ACTG2: variants seen among roughly 807,000 people sequenced by gnomAD.
ACTG2 encodes the protein actin, gamma-enteric smooth muscle.
A neutral mutation model predicts 37.6 loss-of-function variants in ACTG2; 16 were observed. That is an observed-to-expected ratio of 0.43 (90% CI 0.29 to 0.65). The LOEUF is 0.65. Ranked by LOEUF, ACTG2 falls within the 30% of genes least tolerant of loss-of-function variation. The pLI is 0.18. For missense variants in ACTG2, 238 were observed against 490.9 expected, an observed-to-expected ratio of 0.48 and a Z score of 4.87; for synonymous variants, 181 against 179.9, an observed-to-expected ratio of 1.01 and a Z score of -0.05.
At chr2:73,913,966 A>G (rs1200042139) in intron 6 of ACTG2, among the ~76,000 whole-genome samples, 1 of 152,174 alleles carries the variant, frequency 6.6e-6, no homozygotes, top group East Asian at 1.9e-4. Context: ...CAAATTGAAT[A>G]AGTGAGGCCC....
In ACTG2 at chr2:73,913,432, C is replaced by T. The variant is rs1680187939; in HGVS notation, c.452-53C>T. On this transcript the variant is annotated intron_variant, in intron 5 of 8. Transcript: ENST00000345517. ...CATTGGTAACAGTCCTAGAAAGAGA[C>T]TGATGAAAGGCAAGAATGAGAATTT... 15 of 1,500,464 alleles carry T rather than the reference C, an allele frequency of 1.0e-5. No homozygotes were observed. The South Asian group carries it at 1.6e-4, about 16-fold the overall frequency. 92.9% of individuals were successfully genotyped at this position (1,500,464 alleles called of 1,614,324 possible). A position where few individuals can be genotyped will look rare whatever the true frequency, so the allele number is the denominator to read the frequency against.
intron 4 of ACTG2, 44 bp from the exon 5 acceptor site, chr2:73,909,011 G>C: frequency 6.3e-7 from 1 of 1,575,880 alleles, no homozygotes; most frequent in Non-Finnish European, 8.7e-7. Context: ...AAGAAGTGCT[G>C]TGATTTTTGC....
intron 3 of ACTG2, among the ~76,000 whole-genome samples, chr2:73,905,723 C>T (rs1022268368): frequency 2.0e-5 from 3 of 152,140 alleles, no homozygotes; most frequent in Non-Finnish European, 4.4e-5. Context: ...ATCAGAAAGT[C>T]TTCCAATTGC....
chr2:73,910,651 A>G (rs1394386643), intron 5 of ACTG2, among the ~76,000 whole-genome samples: 2 of 141,966 alleles, frequency 1.4e-5, no homozygotes, highest in African/African-American at 5.1e-5. Context: ...GGAGCGTGCC[A>G]CCATGCCTGG....
intron 5 of ACTG2, among the ~76,000 whole-genome samples, chr2:73,912,345 A>G (rs1327615479): frequency 2.6e-5 from 4 of 152,146 alleles, no homozygotes; most frequent in African/African-American, 9.7e-5. Context: ...TTTAGTAGCA[A>G]TGGGGTTTCA....
chr2:73,904,057 C>T (rs1287431023), intron 3 of ACTG2, among the ~76,000 whole-genome samples: 2 of 150,504 alleles, frequency 1.3e-5, no homozygotes, highest in African/African-American at 4.9e-5. Flanking sequence ...CCAGCCTGGG[C>T]AACATGGTGA....
Position 73,901,328 on chromosome 2 carries a change from C to A in ACTG2, c.17C>A (p.Thr6Asn), listed in dbSNP as rs375675581. 3 of 1,610,060 alleles carry A rather than the reference C, an allele frequency of 1.9e-6. No homozygotes were observed. The highest frequency in any genetic ancestry group is 2.5e-6 in the Non-Finnish European group (3 of 1,177,444). ...ACACACACCATGTGTGAAGAGGAGA[C>A]CACCGCGCTCGTGTGTGACAATGGC... is the stretch of plus-strand genomic sequence containing the variant. MCEEETTALVCDNGSG... is the reference protein window; with the variant it reads MCEEENTALVCDNGSG... Residue 6 changes from threonine to asparagine, a missense_variant, in exon 2 of 9, where the codon ACC becomes AAC. Transcript: ENST00000345517.
At chr2:73,912,446 C>T (rs939849851) in intron 5 of ACTG2, among the ~76,000 whole-genome samples, 6 of 152,176 alleles carry the variant, frequency 3.9e-5, no homozygotes, top group East Asian at 1.9e-4. Flanking sequence ...CATGAGCCAC[C>T]GCGCCCAACC....
At chr2:73,904,782 T>C (rs1266364135) in intron 3 of ACTG2, among the ~76,000 whole-genome samples, 13 of 15,858 alleles carry the variant, frequency 8.2e-4, no homozygotes, top group African/African-American at 3.5e-3. Context: ...TGTGTGTATA[T>C]ATATATATAT....
chr2:73,913,170 C>CAAAAAAAAAAAAAAAAAAAAAAAAAAAA (rs58764001), intron 5 of ACTG2, among the ~76,000 whole-genome samples: 1 of 102,504 alleles, frequency 9.8e-6, no homozygotes, highest in Non-Finnish European at 1.9e-5. Flanking sequence ...ACTCTGTCTC[C>CAAAAAAAAAAAAAAAAAAAAAAAAAAAA]AAAAAAAAAA....
At chr2:73,898,088 G>A (rs1412303555) in intron 1 of ACTG2, among the ~76,000 whole-genome samples, 2 of 152,004 alleles carry the variant, frequency 1.3e-5, no homozygotes, top group Non-Finnish European at 2.9e-5. Context: ...ATTTCATAGA[G>A]AGAAAAGAAC....
chr2:73,909,383 C>T (rs1680079980), intron 5 of ACTG2, among the ~76,000 whole-genome samples: 1 of 152,202 alleles, frequency 6.6e-6, no homozygotes, highest in African/African-American at 2.4e-5. Flanking sequence ...AGCTTCTACA[C>T]ATACACACAT....
At chr2:73,900,841 G>A (rs1388124262) in intron 1 of ACTG2, among the ~76,000 whole-genome samples, 4 of 152,058 alleles carry the variant, frequency 2.6e-5, no homozygotes, top group Non-Finnish European at 5.9e-5. Flanking sequence ...AGAACTTTTA[G>A]CTTCTTTCTT....
chr2:73,895,644 T>C (rs1679731253), intron 1 of ACTG2, among the ~76,000 whole-genome samples: 1 of 152,336 alleles, frequency 6.6e-6, no homozygotes, highest in South Asian at 2.1e-4. Context: ...TCTGTCAAAA[T>C]GAAAATGTCT....
chr2:73,898,371 T>TTTTTTTTTTTG (rs1679798255), intron 1 of ACTG2, among the ~76,000 whole-genome samples: 1 of 133,804 alleles, frequency 7.5e-6, no homozygotes, highest in Non-Finnish European at 1.7e-5. Context: ...TCTATTGTAT[T>TTTTTTTTTTTG]AAATATTTCA....
At chr2:73,897,392 C>T (rs1259916924) in intron 1 of ACTG2, 1 of 152,684 alleles carries the variant, frequency 6.5e-6, no homozygotes, top group Non-Finnish European at 1.5e-5. Context: ...GCTTCTTTGG[C>T]TACTTCCTTG....
chr2:73,911,201 C>T, intron 5 of ACTG2, among the ~76,000 whole-genome samples: 1 of 152,176 alleles, frequency 6.6e-6, no homozygotes, highest in East Asian at 1.9e-4. Context: ...TGATTAAAAA[C>T]ATAGTATAAG....
chr2:73,909,163 C>T, intron 5 of ACTG2, 24 bp downstream of exon 5: 1 of 1,592,366 alleles, frequency 6.3e-7, no homozygotes, highest in Non-Finnish European at 8.6e-7. Context: ...TAATCCATTC[C>T]TTTTCTGACT....
chr2:73,909,164 T>A, intron 5 of ACTG2, 25 bp downstream of exon 5: 1 of 1,592,460 alleles, frequency 6.3e-7, no homozygotes, highest in Non-Finnish European at 8.6e-7. Flanking sequence ...AATCCATTCC[T>A]TTTCTGACTT....
Sources: gnomAD v4.1 joint callset for allele counts (sites outside exome capture counted in the v4.1 genomes callset) on GRCh38, gnomAD v4.1.1 for gene constraint, MANE v1.5 for transcripts, NCBI Gene and HGNC (gene_info 2026-07-23, HGNC 2026-07-21) for gene names.